Variants in COMMD10 observed in about 807,000 individuals in gnomAD.
COMMD10 encodes COMM domain-containing protein 10.
In COMMD10, 33 loss-of-function variants were observed where a neutral mutation model predicts 28.9. The observed-to-expected ratio is 1.14, with a 90% CI of 0.87 to 1.53. The LOEUF (loss-of-function observed/expected upper bound fraction) is 1.53, where lower values mean the gene tolerates loss of function less well. COMMD10 is among the 40% of genes most tolerant of loss of function. The probability of loss-of-function intolerance (pLI) is 0.00; values close to 1 mark genes in which losing one functional copy is unlikely to be tolerated. For synonymous variants in COMMD10, 110 were observed against 81.7 expected (o/e 1.35, Z -1.87); for missense variants, 310 against 233.4 (o/e 1.33, Z -2.14).
chr5:116,245,650 G>C (rs1749929490), intron 5 of COMMD10, among the ~76,000 whole-genome samples: 1 of 152,118 alleles, frequency 6.6e-6, no homozygotes, highest in Non-Finnish European at 1.5e-5. Context: ...CCCCCATCAA[G>C]TAGGCTTTAT....
intron 5 of COMMD10, among the ~76,000 whole-genome samples, chr5:116,182,201 G>A (rs754129655): frequency 1.3e-5 from 2 of 152,022 alleles, no homozygotes; most frequent in Non-Finnish European, 2.9e-5. Flanking sequence ...AATGTATACA[G>A]GCTTTGAGGC....
intron 4 of COMMD10, among the ~76,000 whole-genome samples, chr5:116,109,810 T>C (rs1437523581): frequency 1.3e-5 from 2 of 152,208 alleles, no homozygotes; most frequent in Non-Finnish European, 2.9e-5. Context: ...ATATAAGTTA[T>C]ATCTTCAGCA....
At chr5:116,289,601 C>T (rs1175271480) in intron 5 of COMMD10, among the ~76,000 whole-genome samples, 1 of 151,870 alleles carries the variant, frequency 6.6e-6, no homozygotes, top group Non-Finnish European at 1.5e-5. Flanking sequence ...GGGAATCCCC[C>T]AGAAAGCCAG....
At chr5:116,205,953 CTTG>C (rs1748802336) in intron 5 of COMMD10, among the ~76,000 whole-genome samples, 1 of 150,434 alleles carries the variant, frequency 6.6e-6, no homozygotes, top group Non-Finnish European at 1.5e-5. Context: ...TTTTTCCTCC[CTTG>C]TTAGTTTACA....
rs1386129222 is a variant in COMMD10, at chr5:116,292,989, A to G, written c.*500A>G. 5 of 397,226 alleles carry G rather than the reference A, an allele frequency of 1.3e-5. No individual in the cohort carries two copies. The highest frequency in any genetic ancestry group is 2.1e-5 in the African/African-American group (1 of 48,566). 24.6% of individuals were successfully genotyped at this position (397,226 alleles called of 1,614,324 possible). A position where few individuals can be genotyped will look rare whatever the true frequency, so the allele number is the denominator to read the frequency against. On this transcript the variant is annotated 3_prime_UTR_variant, in exon 7 of 7. Coordinates refer to ENST00000274458, the MANE Select transcript of COMMD10 (RefSeq NM_016144.4). ...GTATATTTTGCTTCGGAAATAATAT[A>G]GGAAGGAAATGTAAAATAGTGAGTA...
At chr5:116,087,742 AG>A (rs1750155736) in intron 2 of COMMD10, among the ~76,000 whole-genome samples, 155 bp downstream of exon 2, 1 of 152,228 alleles carries the variant, frequency 6.6e-6, no homozygotes, top group Non-Finnish European at 1.5e-5. Flanking sequence ...CATGGTCAGA[AG>A]TTTGAGAAAC....
At chr5:116,114,064 G>C (rs1751150102) in intron 4 of COMMD10, among the ~76,000 whole-genome samples, 1 of 152,132 alleles carries the variant, frequency 6.6e-6, no homozygotes, top group Non-Finnish European at 1.5e-5. Context: ...ATTGGTATCT[G>C]TGGATTCCTT....
rs111938156 is a variant in COMMD10 at position 116,177,913 on chromosome 5, TAAAC to T, written c.510+43736_510+43739del. Among the ~76,000 whole-genome samples the T allele has an allele frequency of 2.0e-3, 300 of 152,272 alleles. 2 individuals carry two copies. The highest frequency in any genetic ancestry group is 6.8e-3 in the African/African-American group (282 of 41,574). On this transcript the variant is annotated intron_variant, in intron 5 of 6. Coordinates refer to ENST00000274458, the MANE Select transcript of COMMD10 (RefSeq NM_016144.4). ...TACACAGCACATAGTGGGTGCTTAA[TAAAC>T]GTTTATTATCTGAACAAATAAACCT...
chr5:116,267,340 C>G (rs1239126273), intron 5 of COMMD10, among the ~76,000 whole-genome samples: 2 of 151,886 alleles, frequency 1.3e-5, no homozygotes, highest in African/African-American at 2.4e-5. Flanking sequence ...AGTGAACTCC[C>G]ATTCACAATG....
chr5:116,103,846 C>T (rs1750744749), intron 4 of COMMD10, among the ~76,000 whole-genome samples: 1 of 152,138 alleles, frequency 6.6e-6, no homozygotes, highest in Admixed American at 6.5e-5. Context: ...GGAAGGGGTC[C>T]ATTTTCACTT....
chr5:116,249,504 T>C (rs1056887076), intron 5 of COMMD10, among the ~76,000 whole-genome samples: 4 of 151,930 alleles, frequency 2.6e-5, no homozygotes, highest in African/African-American at 9.7e-5. Context: ...AGTACTAAAG[T>C]ATTAATAAAG....
intron 5 of COMMD10, among the ~76,000 whole-genome samples, chr5:116,243,733 G>A (rs1211870720): frequency 1.3e-5 from 2 of 152,156 alleles, no homozygotes; most frequent in African/African-American, 4.8e-5. Context: ...ACCACCAGTA[G>A]TATGTAGAAT....
At chr5:116,224,740 G>A (rs1266065257) in intron 5 of COMMD10, among the ~76,000 whole-genome samples, 1 of 152,088 alleles carries the variant, frequency 6.6e-6, no homozygotes, top group Non-Finnish European at 1.5e-5. Flanking sequence ...AGGTTTGGAG[G>A]GGACAAAACA....
At chr5:116,270,497 G>A (rs1443529025) in intron 5 of COMMD10, among the ~76,000 whole-genome samples, 1 of 151,822 alleles carries the variant, frequency 6.6e-6, no homozygotes, top group Non-Finnish European at 1.5e-5. Context: ...ACGGTCTAGA[G>A]AATGGAGATA....
Position 116,087,576 on chromosome 5 carries a change from CTTCACCTGAAGG to C in COMMD10, c.124_132+3del, listed in dbSNP as rs747173823. 6.2e-7 allele frequency: 1 copy of C among 1,602,654 alleles called. No individual in the cohort carries two copies. Among genetic ancestry groups the C allele is most frequent in the Non-Finnish European group, 8.6e-7 (1 of 1,169,510 alleles). ...GTTGCTCACTCGGATTCTTCAAAAA[CTTCACCTGAAGG>C]TTTGTATTTGTGTGTTTCCATGCCT... On this transcript the variant is annotated splice_donor_variant and coding_sequence_variant, in exon 2 of 7. Coordinates refer to ENST00000274458, the MANE Select transcript of COMMD10 (RefSeq NM_016144.4). LOFTEE classifies it high-confidence loss of function.
intron 5 of COMMD10, among the ~76,000 whole-genome samples, chr5:116,184,796 T>C (rs186650095): frequency 3.3e-5 from 5 of 152,240 alleles, no homozygotes; most frequent in African/African-American, 9.6e-5. Context: ...GAAGATTTTA[T>C]ATATAAATGG....
intron 3 of COMMD10, among the ~76,000 whole-genome samples, chr5:116,091,422 A>T (rs1750295873): frequency 6.6e-6 from 1 of 152,172 alleles, no homozygotes. Flanking sequence ...ATTCATTGGT[A>T]CTTGGTATAA....
intron 5 of COMMD10, among the ~76,000 whole-genome samples, chr5:116,258,933 A>G (rs540222272): frequency 1.3e-5 from 2 of 151,530 alleles, no homozygotes; most frequent in African/African-American, 4.9e-5. Context: ...TTTTTTCAGT[A>G]GCTACTAGAA....
At chr5:116,180,521 A>G (rs1747920849) in intron 5 of COMMD10, among the ~76,000 whole-genome samples, 1 of 152,060 alleles carries the variant, frequency 6.6e-6, no homozygotes, top group South Asian at 2.1e-4. Context: ...AGTGCCTCAT[A>G]TTTTTAATAA....
Sources: gnomAD v4.1 joint callset for allele counts (sites outside exome capture counted in the v4.1 genomes callset) on GRCh38, gnomAD v4.1.1 for gene constraint, MANE v1.5 for transcripts, NCBI Gene and HGNC (gene_info 2026-07-23, HGNC 2026-07-21) for gene names.